The following RCAN1 variants were observed in gnomAD, a reference collection of about 807,000 sequenced individuals.
RCAN1 encodes the protein calcipressin-1.
In RCAN1, 11 loss-of-function variants were observed where a neutral mutation model predicts 22.9. The observed-to-expected ratio is 0.48, with a 90% CI of 0.30 to 0.79. The LOEUF is 0.79. Among genes scored for constraint, RCAN1 ranks in the 30% least tolerant of loss-of-function variants. The pLI is 0.06. For missense variants in RCAN1, 291 were observed against 337.8 expected (o/e 0.86, Z 1.09); for synonymous variants, 136 against 142.3 (o/e 0.96, Z 0.32).
chr21:34,593,496 T>C (rs911224792), intron 1 of RCAN1, among the ~76,000 whole-genome samples: 1 of 152,240 alleles, frequency 6.6e-6, no homozygotes, highest in Admixed American at 6.5e-5. Flanking sequence ...TATGAAACGA[T>C]GCCAAATAAG....
chr21:34,519,114 C>T (rs538446731), intron 3 of RCAN1, among the ~76,000 whole-genome samples: 33 of 152,262 alleles, frequency 2.2e-4, no homozygotes, highest in South Asian at 6.2e-4. Flanking sequence ...GTAAAGGAGA[C>T]GGTAAAGGTA....
chr21:34,536,197 T>G (rs1024556067), intron 1 of RCAN1, among the ~76,000 whole-genome samples: 4 of 152,238 alleles, frequency 2.6e-5, no homozygotes, highest in African/African-American at 9.6e-5. Context: ...ACTTAATGAC[T>G]TGGAGACCAG....
intron 1 of RCAN1, among the ~76,000 whole-genome samples, chr21:34,567,661 A>G (rs960847894): frequency 6.6e-6 from 1 of 152,138 alleles, no homozygotes; most frequent in Non-Finnish European, 1.5e-5. Context: ...CACTCATGCT[A>G]ATCTGAAATC....
chr21:34,595,537 G>A (rs961607502), intron 1 of RCAN1, among the ~76,000 whole-genome samples: 1 of 152,246 alleles, frequency 6.6e-6, no homozygotes. Context: ...TTCACTGTCT[G>A]GGAATGAGCC....
At chr21:34,565,253 C>T (rs1986961332) in intron 1 of RCAN1, among the ~76,000 whole-genome samples, 1 of 152,218 alleles carries the variant, frequency 6.6e-6, no homozygotes, top group Admixed American at 6.5e-5. Context: ...TGTTCCACTT[C>T]ATTCTTCTAG....
chr21:34,562,501 T>C (rs1986827765), intron 1 of RCAN1, among the ~76,000 whole-genome samples: 1 of 152,188 alleles, frequency 6.6e-6, no homozygotes, highest in African/African-American at 2.4e-5. Context: ...ACATGGGTGG[T>C]GCCACCTCAG....
At chr21:34,580,836 G>C (rs563967644) in intron 1 of RCAN1, among the ~76,000 whole-genome samples, 12 of 152,266 alleles carry the variant, frequency 7.9e-5, no homozygotes, top group African/African-American at 2.9e-4. Context: ...TATCCCTCCT[G>C]GCCTTGCAAA....
intron 1 of RCAN1, among the ~76,000 whole-genome samples, chr21:34,548,173 C>T (rs1192561049): frequency 1.3e-5 from 2 of 152,334 alleles, no homozygotes; most frequent in East Asian, 3.9e-4. Flanking sequence ...CCTACCACCA[C>T]TCAGCTTTGG....
rs997147611 is a variant in RCAN1 at position 34,550,544 on chromosome 21, T to A, written c.253-26834A>T. Among the ~76,000 whole-genome samples the A allele has an allele frequency of 2.0e-5, 3 of 152,160 alleles. No homozygotes were observed. The South Asian group carries it at 6.2e-4, about 31-fold the overall frequency. ...CATGTGAGGACACAGAGATAGCATG[T>A]CATCTATGAGCCAAGGAGCAAGGCC... is the stretch of plus-strand genomic sequence containing the variant. On this transcript the variant is annotated intron_variant, in intron 1 of 3. Transcript: ENST00000313806.
At chr21:34,568,453 T>C (rs1483787452) in intron 1 of RCAN1, among the ~76,000 whole-genome samples, 2 of 152,254 alleles carry the variant, frequency 1.3e-5, no homozygotes, top group Non-Finnish European at 2.9e-5. Context: ...GAAGTGAGCT[T>C]GTAACTTTGA....
intron 1 of RCAN1, among the ~76,000 whole-genome samples, chr21:34,588,010 T>C (rs77327036): frequency 0.015 from 2,236 of 152,334 alleles, 52 homozygotes; most frequent in East Asian, 0.092. Context: ...ATCAGTTCAT[T>C]CCTGGGTCTC....
At chr21:34,563,387 C>T (rs958950450) in intron 1 of RCAN1, among the ~76,000 whole-genome samples, 1 of 152,006 alleles carries the variant, frequency 6.6e-6, no homozygotes, top group African/African-American at 2.4e-5. Context: ...GGAAATTATT[C>T]CTACATTAAA....
chr21:34,544,213 T>G (rs1369423772), intron 1 of RCAN1, among the ~76,000 whole-genome samples: 1 of 152,270 alleles, frequency 6.6e-6, no homozygotes. Flanking sequence ...TGATGGATTC[T>G]GTTTCCACAG....
chr21:34,535,628 A>C (rs1383869627), intron 1 of RCAN1, among the ~76,000 whole-genome samples: 1 of 152,236 alleles, frequency 6.6e-6, no homozygotes, highest in African/African-American at 2.4e-5. Flanking sequence ...ACTTTGAAAA[A>C]AAAATAAGAA....
chr21:34,519,732 G>A (rs1050643211), intron 3 of RCAN1, among the ~76,000 whole-genome samples: 1 of 152,108 alleles, frequency 6.6e-6, no homozygotes, highest in Non-Finnish European at 1.5e-5. Context: ...GGGTAAGCGA[G>A]GAGGCACCGC....
intron 1 of RCAN1, among the ~76,000 whole-genome samples, chr21:34,558,968 G>A (rs1183092417): frequency 6.6e-6 from 1 of 152,194 alleles, no homozygotes; most frequent in Non-Finnish European, 1.5e-5. Flanking sequence ...AGAGGTATTA[G>A]CACTCAAGTG....
intron 1 of RCAN1, among the ~76,000 whole-genome samples, chr21:34,561,056 A>G (rs900964473): frequency 6.6e-6 from 1 of 152,146 alleles, no homozygotes; most frequent in Non-Finnish European, 1.5e-5. Flanking sequence ...CGATGATTTT[A>G]TAAGTGCCTA....
chr21:34,539,291 T>A (rs1052018398), intron 1 of RCAN1, among the ~76,000 whole-genome samples: 19 of 152,338 alleles, frequency 1.2e-4, no homozygotes, highest in Non-Finnish European at 2.5e-4. Flanking sequence ...CGTGATCAGA[T>A]AATATACATG....
intron 1 of RCAN1, among the ~76,000 whole-genome samples, chr21:34,555,496 C>T (rs73900519): frequency 0.012 from 1,847 of 151,270 alleles, 43 homozygotes; most frequent in African/African-American, 0.042. Context: ...TTGCTTGAGC[C>T]CAGGAGGTCA....
Sources: gnomAD v4.1 joint callset for allele counts (sites outside exome capture counted in the v4.1 genomes callset) on GRCh38, gnomAD v4.1.1 for gene constraint, MANE v1.5 for transcripts, NCBI Gene and HGNC (gene_info 2026-07-23, HGNC 2026-07-21) for gene names.